The following PARD3B variants were observed in gnomAD, a reference collection of about 807,000 sequenced individuals.
The protein encoded by PARD3B is par-3 family cell polarity regulator beta.
A neutral mutation model predicts 130.2 loss-of-function variants in PARD3B; 103 were observed. The observed-to-expected ratio is 0.79, with a 90% CI of 0.67 to 0.93. The LOEUF (loss-of-function observed/expected upper bound fraction) is 0.93, where lower values mean the gene tolerates loss of function less well. Among genes scored for constraint, PARD3B ranks in the 40% least tolerant of loss-of-function variants. PARD3B has a pLI of 0.00. For missense variants in PARD3B, 1,609 were observed against 1,499.2 expected, an observed-to-expected ratio of 1.07 and a Z score of -1.21; for synonymous variants, 583 against 553.2, an observed-to-expected ratio of 1.05 and a Z score of -0.76.
chr2:205,462,381 A>T (rs1446814172), intron 20 of PARD3B, among the ~76,000 whole-genome samples: 1 of 152,170 alleles, frequency 6.6e-6, no homozygotes. Flanking sequence ...TACAGTCTTA[A>T]TGTTTTTTTT....
At chr2:205,222,950 G>C (rs2038321353) in intron 15 of PARD3B, among the ~76,000 whole-genome samples, 1 of 152,114 alleles carries the variant, frequency 6.6e-6, no homozygotes, top group Non-Finnish European at 1.5e-5. Flanking sequence ...TGCTATCTTT[G>C]CCTTCATTGA....
chr2:205,618,406 A>G lies in PARD3B; in HGVS notation c.*2593A>G, dbSNP rs568666415. ...GGACTCTTTCCCAGCATTTAGGGGA[A>G]CAGGCTTTTAGAGTATTTAGAAGAC... On this transcript the variant is annotated 3_prime_UTR_variant, in exon 23 of 23. Coordinates refer to ENST00000406610, the MANE Select transcript of PARD3B (RefSeq NM_001302769.2). 6.6e-6 allele frequency: 1 copy of G among 152,352 alleles called. No individual in the cohort carries two copies. The highest frequency in any genetic ancestry group is 2.4e-5 in the African/African-American group (1 of 41,586). The allele number at this position is 152,352 out of a possible 1,614,324, so 9.4% of individuals were successfully genotyped here.
chr2:205,560,694 G>A (rs11675798), intron 22 of PARD3B, among the ~76,000 whole-genome samples: 86,191 of 151,980 alleles, frequency 0.57, 24,908 homozygotes, highest in Middle Eastern at 0.73. Flanking sequence ...AGTCCTTGAT[G>A]TTTCTGTAAT....
chr2:205,262,773 A>G (rs1290073281), intron 16 of PARD3B, among the ~76,000 whole-genome samples: 1 of 152,134 alleles, frequency 6.6e-6, no homozygotes, highest in Admixed American at 6.6e-5. Flanking sequence ...GGGAACTTAC[A>G]TGTCAGCTGA....
At chr2:204,864,474 A>G (rs971950237) in intron 2 of PARD3B, among the ~76,000 whole-genome samples, 1 of 152,170 alleles carries the variant, frequency 6.6e-6, no homozygotes, top group African/African-American at 2.4e-5. Flanking sequence ...GCTAGAACTA[A>G]TGCAATGGCT....
intron 4 of PARD3B, among the ~76,000 whole-genome samples, chr2:205,079,607 T>C (rs1701281556): frequency 6.6e-6 from 1 of 152,036 alleles, no homozygotes; most frequent in Non-Finnish European, 1.5e-5. Context: ...CTTAATACTG[T>C]TGCATTGGGG....
At position 205,460,122 on chromosome 2, in the gene PARD3B, T is replaced by C. The variant is rs1374541383; in HGVS notation, c.3044+19450T>C. The stretch of plus-strand genomic sequence containing the variant: ...TTTAGAATCTGGAAAACAACTTTTT[T>C]GAGTCTCTGCAATTTCCAAGTCTCA... On this transcript the variant is annotated intron_variant, in intron 20 of 22. Transcript: ENST00000406610. This position sits in a 1 kb window ranked among gnomAD's most constrained non-coding sequence, Gnocchi z 4.9. 6.6e-6 allele frequency among the ~76,000 whole-genome samples: 1 copy of C among 152,230 alleles called. No individual in the cohort carries two copies. The highest frequency in any genetic ancestry group is 2.4e-5 in the African/African-American group (1 of 41,474).
chr2:204,888,452 G>T (rs763706070), intron 2 of PARD3B, among the ~76,000 whole-genome samples: 1 of 151,948 alleles, frequency 6.6e-6, no homozygotes, highest in African/African-American at 2.4e-5. Flanking sequence ...GTGTTAGAAG[G>T]TGTGAAGAGT....
chr2:205,266,247 T>C (rs892862818), intron 16 of PARD3B, among the ~76,000 whole-genome samples: 3 of 152,114 alleles, frequency 2.0e-5, no homozygotes, highest in Non-Finnish European at 4.4e-5. Context: ...TTGGCAACTG[T>C]TTAACTCGAC....
chr2:204,736,082 C>G (rs1316053312), intron 2 of PARD3B, among the ~76,000 whole-genome samples: 1 of 151,974 alleles, frequency 6.6e-6, no homozygotes, highest in African/African-American at 2.4e-5. Flanking sequence ...AGGCACATCC[C>G]TCTTACTCCC....
rs1703127194 is a variant in PARD3B at position 205,105,387 on chromosome 2, A to C, written c.593+873A>C. ...AACGCACTTCAAATTTGGCATAAGG[A>C]AAATAATTTCATATTTAATAGATGG... On this transcript the variant is annotated intron_variant, in intron 5 of 22. Coordinates refer to ENST00000406610, the MANE Select transcript of PARD3B (RefSeq NM_001302769.2). This position sits in a 1 kb window ranked among gnomAD's most constrained non-coding sequence, Gnocchi z 4.0. 6.6e-6 allele frequency among the ~76,000 whole-genome samples: 1 copy of C among 152,180 alleles called. No individual in the cohort carries two copies. Among genetic ancestry groups the C allele is most frequent in the South Asian group, 2.1e-4 (1 of 4,824 alleles).
intron 2 of PARD3B, among the ~76,000 whole-genome samples, chr2:204,824,690 C>T (rs994225254): frequency 2.6e-5 from 4 of 152,146 alleles, no homozygotes; most frequent in Non-Finnish European, 5.9e-5. Flanking sequence ...GGAATCTAGA[C>T]ATGCCATTTC....
chr2:205,174,344 AT>A (rs1479172152), intron 12 of PARD3B, among the ~76,000 whole-genome samples: 3 of 152,206 alleles, frequency 2.0e-5, no homozygotes, highest in African/African-American at 7.2e-5. Context: ...AACAAGATCC[AT>A]TTTTAGTTTC....
At chr2:205,207,514 G>A (rs200093141) in intron 15 of PARD3B, among the ~76,000 whole-genome samples, 11,500 of 121,852 alleles carry the variant, frequency 0.094, 1,090 homozygotes, top group East Asian at 0.2. Context: ...AAATAGATGC[G>A]ATAAAAAATG....
intron 2 of PARD3B, among the ~76,000 whole-genome samples, chr2:204,946,175 T>C (rs539719443): frequency 5.3e-5 from 8 of 152,340 alleles, no homozygotes; most frequent in Admixed American, 2.0e-4. Flanking sequence ...GCCCTTCCTG[T>C]TCCTGAATTG....
intron 18 of PARD3B, among the ~76,000 whole-genome samples, chr2:205,334,996 A>G (rs1248022668): frequency 6.6e-6 from 1 of 152,204 alleles, no homozygotes; most frequent in Non-Finnish European, 1.5e-5. Flanking sequence ...TGAAGTTGTA[A>G]GAGAAGCATT....
intron 2 of PARD3B, among the ~76,000 whole-genome samples, chr2:204,807,180 A>G (rs1435384303): frequency 6.6e-6 from 1 of 152,130 alleles, no homozygotes; most frequent in African/African-American, 2.4e-5. Context: ...AATTACCTCT[A>G]CCAGATCCCT....
At chr2:205,066,338 A>G (rs1700376109) in intron 4 of PARD3B, among the ~76,000 whole-genome samples, 1 of 152,192 alleles carries the variant, frequency 6.6e-6, no homozygotes. Context: ...CAGTTAAGAT[A>G]GGTGCCTTTT....
chr2:205,444,171 C>T (rs965338077), intron 20 of PARD3B, among the ~76,000 whole-genome samples: 6 of 152,150 alleles, frequency 3.9e-5, no homozygotes, highest in Admixed American at 6.5e-5. Flanking sequence ...TTAGTAGAGA[C>T]GGGGTTTTGC....
Sources: allele counts gnomAD v4.1 joint callset (sites outside exome capture counted in the v4.1 genomes callset), GRCh38; gene constraint gnomAD v4.1.1; non-coding constraint Gnocchi (gnomAD v3.1); transcripts MANE v1.5; gene names NCBI Gene and HGNC (gene_info 2026-07-23, HGNC 2026-07-21).